The following PIP4P2 variants were observed in gnomAD, a reference collection of about 807,000 sequenced individuals.
The protein encoded by PIP4P2 is type 2 phosphatidylinositol 4,5-bisphosphate 4-phosphatase.
Under a neutral mutation model 33.3 loss-of-function variants are expected in PIP4P2, and 19 were observed. The observed-to-expected ratio is 0.57, with a 90% confidence interval of 0.40 to 0.84. The LOEUF (loss-of-function observed/expected upper bound fraction) is 0.84. Ranked by LOEUF, PIP4P2 falls within the 40% of genes least tolerant of loss-of-function variation. The probability of loss-of-function intolerance (pLI) is 0.00; values close to 1 mark genes in which losing one functional copy is unlikely to be tolerated. For synonymous variants in PIP4P2, 110 were observed against 111.9 expected, an observed-to-expected ratio of 0.98 and a Z score of 0.11; for missense variants, 270 against 324.7, an observed-to-expected ratio of 0.83 and a Z score of 1.29.
intron 5 of PIP4P2, among the ~76,000 whole-genome samples, chr8:91,003,017 T>C (rs1811719448): frequency 6.6e-6 from 1 of 152,194 alleles, no homozygotes; most frequent in African/African-American, 2.4e-5. Flanking sequence ...AATGGGCTGA[T>C]AGTAAACCAT....
chr8:91,009,613 A>T (rs1048438075), intron 4 of PIP4P2, among the ~76,000 whole-genome samples: 7 of 151,876 alleles, frequency 4.6e-5, no homozygotes, highest in African/African-American at 1.7e-4. Context: ...ACATATTTTT[A>T]TTAAAATTGT....
At chr8:91,012,139 G>A (rs1811846237) in intron 4 of PIP4P2, among the ~76,000 whole-genome samples, 1 of 151,788 alleles carries the variant, frequency 6.6e-6, no homozygotes, top group African/African-American at 2.4e-5. Context: ...AGAAAACTCA[G>A]AGCTAAGATT....
intron 5 of PIP4P2, among the ~76,000 whole-genome samples, chr8:90,998,196 A>G (rs917379879): frequency 6.6e-6 from 1 of 152,020 alleles, no homozygotes; most frequent in Non-Finnish European, 1.5e-5. Context: ...TTTGTAATAT[A>G]CCATTTATTA....
intron 1 of PIP4P2, among the ~76,000 whole-genome samples, chr8:91,023,041 A>C (rs569356565): frequency 1.1e-4 from 16 of 152,264 alleles, no homozygotes; most frequent in African/African-American, 3.4e-4. Flanking sequence ...GAAGAAAAAA[A>C]CATGTTAAAG....
At position 91,017,550 on chromosome 8, in the gene PIP4P2, C is replaced by T. The variant is rs1045296871; in HGVS notation, c.486+840G>A. Among the ~76,000 whole-genome samples, 9 of 152,194 alleles carry T rather than the reference C, an allele frequency of 5.9e-5. No individual in the cohort carries two copies. In the South Asian group the frequency reaches 1.0e-3, roughly 18 times the overall value. ...ATGAGAAGATTGCAGTCCCATTTGACATTTAGAACTATATACATAAAGTTC... is the reference window on the plus strand; with the variant it reads ...ATGAGAAGATTGCAGTCCCATTTGATATTTAGAACTATATACATAAAGTTC... On this transcript the variant is annotated intron_variant, in intron 4 of 6. Coordinates refer to ENST00000285419, the MANE Select transcript of PIP4P2 (RefSeq NM_018710.3).
chr8:91,002,696 TGCCACAGAATGTTTC>T (rs1287279415), intron 5 of PIP4P2, among the ~76,000 whole-genome samples: 1 of 152,204 alleles, frequency 6.6e-6, no homozygotes, highest in African/African-American at 2.4e-5. Flanking sequence ...ATAACCTTTG[TGCCACAGAATGTTTC>T]TACAGATGAA....
rs950121717 is a variant in PIP4P2 at position 90,993,814 on chromosome 8, A to G, written c.*1863T>C. 2 of 152,250 alleles carry G rather than the reference A, an allele frequency of 1.3e-5. No homozygotes were observed. The highest frequency in any genetic ancestry group is 4.8e-5 in the African/African-American group (2 of 41,468). 9.4% of individuals were successfully genotyped at this position (152,250 alleles called of 1,614,324 possible). On this transcript the variant is annotated 3_prime_UTR_variant, in exon 7 of 7. Coordinates refer to ENST00000285419, the MANE Select transcript of PIP4P2 (RefSeq NM_018710.3). ...GTGTATATAAGAATTTAAAATAGCA[A>G]TTCATTCAACCATTTATTCATTCAT... is the stretch of plus-strand genomic sequence containing the variant.
chr8:91,034,421 G>A (rs534320037), intron 1 of PIP4P2, among the ~76,000 whole-genome samples: 9 of 152,300 alleles, frequency 5.9e-5, no homozygotes, highest in African/African-American at 2.2e-4. Context: ...AAAGCTAGAA[G>A]CCGATCTATT....
At position 91,024,818 on chromosome 8, in the gene PIP4P2, C is replaced by A. The variant is rs189023380; in HGVS notation, c.107-3414G>T. ...CTCCATGTGAGCAGTATTTGTTAGG[C>A]CAGTAGTCCTTAATCCTAAAAAAAA... On this transcript the variant is annotated intron_variant, in intron 1 of 6. Coordinates refer to ENST00000285419, the MANE Select transcript of PIP4P2 (RefSeq NM_018710.3). Among the ~76,000 whole-genome samples, 257 of 152,054 alleles carry A rather than the reference C, an allele frequency of 1.7e-3. 1 individual carries two copies. Among genetic ancestry groups the A allele is most frequent in the Middle Eastern group, 6.8e-3 (2 of 294 alleles).
chr8:91,037,194 G>A (rs1302677927), intron 1 of PIP4P2, among the ~76,000 whole-genome samples: 1 of 152,342 alleles, frequency 6.6e-6, no homozygotes, highest in South Asian at 2.1e-4. Flanking sequence ...ATAGTTCTTT[G>A]AAGGGGAAAG....
chr8:90,997,165 G>A (rs1338701570), intron 5 of PIP4P2, among the ~76,000 whole-genome samples: 2 of 151,982 alleles, frequency 1.3e-5, no homozygotes, highest in South Asian at 2.1e-4. Flanking sequence ...AAGAAACAAT[G>A]AAGAAAAAGG....
At chr8:91,033,691 C>T (rs1812199909) in intron 1 of PIP4P2, among the ~76,000 whole-genome samples, 1 of 152,276 alleles carries the variant, frequency 6.6e-6, no homozygotes, top group South Asian at 2.1e-4. Context: ...CTCCCCTGGG[C>T]TTCCCTCATT....
rs550692158 is a variant in PIP4P2 at position 91,014,893 on chromosome 8, A to C, written c.486+3497T>G. On this transcript the variant is annotated intron_variant, in intron 4 of 6. Coordinates refer to ENST00000285419, the MANE Select transcript of PIP4P2 (RefSeq NM_018710.3). ...TCAAAACATTAGGCTGTACACCTCAAATATACAATTTCTGTTGGTCAAATA... is the reference window on the plus strand; with the variant it reads ...TCAAAACATTAGGCTGTACACCTCACATATACAATTTCTGTTGGTCAAATA... Among the ~76,000 whole-genome samples, 5 of 152,220 alleles carry C rather than the reference A, an allele frequency of 3.3e-5. No individual in the cohort carries two copies. The East Asian group carries it at 9.6e-4, about 29-fold the overall frequency.
chr8:91,040,744 A>C lies in PIP4P2; in HGVS notation c.6T>G (p.Ala2=). The C allele has an allele frequency of 6.2e-7, 1 of 1,612,000 alleles. No homozygotes were observed. The highest frequency in any genetic ancestry group is 1.7e-5 in the Admixed American group (1 of 60,022). Residue 2 remains alanine (A), a synonymous_variant, in exon 1 of 7, where the codon GCT becomes GCG. Coordinates refer to ENST00000285419, the MANE Select transcript of PIP4P2 (RefSeq NM_018710.3). M[A]ADGVDERSPL... is the part of the protein sequence containing the mutation. ...GCGAGCGTTCGTCCACCCCATCAGC[A>C]GCCATGACTGCGGCAGCGGCGGGGC...
intron 3 of PIP4P2, 71 bp downstream of exon 3, chr8:91,020,086 T>C (rs1357822948): frequency 6.8e-7 from 1 of 1,479,154 alleles, no homozygotes; most frequent in East Asian, 2.3e-5. Flanking sequence ...AGCCTGGCAC[T>C]GAAGAACCTT....
Position 91,021,412 on chromosome 8 carries a change from G to T in PIP4P2, c.107-8C>A. The T allele has an allele frequency of 1.2e-6, 2 of 1,612,964 alleles. No individual in the cohort carries two copies. Among genetic ancestry groups the T allele is most frequent in the African/African-American group, 2.7e-5 (2 of 75,010 alleles). On this transcript the variant is annotated splice_region_variant and splice_polypyrimidine_tract_variant and intron_variant, in intron 1 of 6. Transcript: ENST00000285419. The stretch of plus-strand genomic sequence containing the variant: ...ATGGAGGTGGGAGCTCCGCTGAAAA[G>T]ATATTAGTCACTGAATCAGAGTCTT...
intron 4 of PIP4P2, among the ~76,000 whole-genome samples, chr8:91,014,688 T>C (rs1811888518): frequency 6.6e-6 from 1 of 151,690 alleles, no homozygotes; most frequent in Non-Finnish European, 1.5e-5. Flanking sequence ...ATAGTGACTA[T>C]AGTTACCAAT....
At chr8:91,019,273 C>CTT (rs1051693601) in intron 3 of PIP4P2, among the ~76,000 whole-genome samples, 1 of 142,464 alleles carries the variant, frequency 7.0e-6, no homozygotes, top group Non-Finnish European at 1.5e-5. Context: ...TAAGTGATTA[C>CTT]TTTTTTTTTT....
intron 5 of PIP4P2, among the ~76,000 whole-genome samples, chr8:90,997,229 T>G (rs1274872525): frequency 6.6e-6 from 1 of 152,076 alleles, no homozygotes; most frequent in African/African-American, 2.4e-5. Context: ...TCAGTATTTT[T>G]GCATACTTTC....
Sources: allele counts gnomAD v4.1 joint callset (sites outside exome capture counted in the v4.1 genomes callset), GRCh38; gene constraint gnomAD v4.1.1; transcripts MANE v1.5; gene names NCBI Gene and HGNC (gene_info 2026-07-23, HGNC 2026-07-21).